Variants in NRF1 observed in about 807,000 individuals in gnomAD.
The protein encoded by NRF1 is nuclear respiratory factor 1, also known as alpha palindromic-binding protein.
NRF1 carries 5 observed loss-of-function variants against 58.5 expected under a neutral mutation model. That is an observed-to-expected ratio of 0.09 (90% CI 0.04 to 0.18). The LOEUF (loss-of-function observed/expected upper bound fraction) is 0.18, where lower values mean the gene tolerates loss of function less well. Among genes scored for constraint, NRF1 ranks in the 10% least tolerant of loss-of-function variants. NRF1 has a pLI of 1.00. For synonymous variants in NRF1, 224 were observed against 246.7 expected, an observed-to-expected ratio of 0.91 and a Z score of 0.86; for missense variants, 288 against 657.7, an observed-to-expected ratio of 0.44 and a Z score of 6.15.
chr7:129,673,452 G>A (rs535841239), intron 3 of NRF1, among the ~76,000 whole-genome samples: 9 of 152,248 alleles, frequency 5.9e-5, no homozygotes, highest in South Asian at 4.1e-4. Flanking sequence ...TTTCGGGGTC[G>A]GGCGCGGTGG....
chr7:129,717,392 T>G lies in NRF1; in HGVS notation c.1223+16T>G. 1.3e-6 allele frequency: 2 copies of G among 1,592,838 alleles called. No individual in the cohort carries two copies. Among genetic ancestry groups the G allele is most frequent in the Admixed American group, 1.8e-5 (1 of 56,286 alleles). On this transcript the variant is annotated intron_variant, in intron 9 of 10. Coordinates refer to ENST00000393232, the MANE Select transcript of NRF1 (RefSeq NM_005011.5). Reference sequence around the variant, plus strand: ...CGCTTAACAGGTGGTGGCAAGAGTGTGGGAATAAGTGAGGATCGCAAATCT... The same window carrying G: ...CGCTTAACAGGTGGTGGCAAGAGTGGGGGAATAAGTGAGGATCGCAAATCT...
In NRF1 at chr7:129,710,653, T is replaced by C. The variant is rs1006978335; in HGVS notation, c.963+82T>C. 8 of 776,696 alleles carry C rather than the reference T, an allele frequency of 1.0e-5. No individual in the cohort carries two copies. The South Asian group carries it at 1.1e-4, about 11-fold the overall frequency. 48.1% of individuals were successfully genotyped at this position (776,696 alleles called of 1,614,324 possible). A position where few individuals can be genotyped will look rare whatever the true frequency, so the allele number is the denominator to read the frequency against. The stretch of plus-strand genomic sequence containing the variant: ...TCACCTCAGACTAGGGAAAGTTTCC[T>C]TTGTGCGAACTCTTGTATGAACTTT... On this transcript the variant is annotated intron_variant, in intron 7 of 10. Transcript: ENST00000393232.
Position 129,619,447 on chromosome 7 carries a change from C to CACACACAT in NRF1, c.-7+7624_-7+7625insCACACATA, listed in dbSNP as rs1554401493. On this transcript the variant is annotated intron_variant, in intron 1 of 10. Coordinates refer to ENST00000393232, the MANE Select transcript of NRF1 (RefSeq NM_005011.5). Reference sequence around the variant, plus strand: ...ATATATATATATACACACACACACACATATATATACACGTGTGTGTGTGTG... The same window carrying CACACACAT: ...ATATATATATATACACACACACACACACACACATATATATATACACGTGTGTGTGTGTG... Among the ~76,000 whole-genome samples, 15 of 80,400 alleles carry CACACACAT rather than the reference C, an allele frequency of 1.9e-4. No homozygotes were observed. The South Asian group carries it at 4.7e-3, about 25-fold the overall frequency. The allele number at this position is 80,400 out of a possible 152,430, so 52.7% of individuals were successfully genotyped here.
chr7:129,706,230 T>C (rs1802947210), intron 5 of NRF1, among the ~76,000 whole-genome samples: 1 of 152,184 alleles, frequency 6.6e-6, no homozygotes, highest in Non-Finnish European at 1.5e-5. Flanking sequence ...CAGAAGGATC[T>C]AGTTTAGTTG....
At chr7:129,693,211 C>T (rs1467840235) in intron 5 of NRF1, among the ~76,000 whole-genome samples, 2 of 152,198 alleles carry the variant, frequency 1.3e-5, no homozygotes, top group Non-Finnish European at 2.9e-5. Flanking sequence ...GATCGCAAGT[C>T]CCCTGGGCAG....
intron 9 of NRF1, 136 bp from the exon 10 acceptor site, chr7:129,727,105 T>TA: frequency 3.8e-6 from 3 of 795,248 alleles, no homozygotes. Context: ...TTAGCACTGT[T>TA]ATCACATATT....
At position 129,744,051 on chromosome 7, in the gene NRF1, G is replaced by A. The variant is rs749970138; in HGVS notation, c.1349-10967G>A. The A allele has an allele frequency of 2.0e-4, 164 of 820,596 alleles. 1 individual carries two copies. The highest frequency in any genetic ancestry group is 2.8e-4 in the Non-Finnish European group (152 of 539,162). The allele number at this position is 820,596 out of a possible 1,614,324, so 50.8% of individuals were successfully genotyped here. ...GGCTTTCCTCACGGGTGGAAGGAGC[G>A]AGGCTGTGCACCCTGCACCAGATGT... On this transcript the variant is annotated intron_variant, in intron 10 of 10. Transcript: ENST00000393232.
In NRF1 at chr7:129,614,443, T is replaced by TTGTGTGTGTGTGTGTGTGTGTGTGTG. The variant is rs56403369; in HGVS notation, c.-7+2642_-7+2643insGTGTGTGTGTGTGTGTGTGTGTGTGT. Among the ~76,000 whole-genome samples the TTGTGTGTGTGTGTGTGTGTGTGTGTG allele has an allele frequency of 2.6e-3, 383 of 145,848 alleles. 2 individuals carry two copies. The highest frequency in any genetic ancestry group is 8.0e-3 in the African/African-American group (312 of 38,828). On this transcript the variant is annotated intron_variant, in intron 1 of 10. Coordinates refer to ENST00000393232, the MANE Select transcript of NRF1 (RefSeq NM_005011.5). ...ATAATTTTCTTATAAAAATATGTAT[T>TTGTGTGTGTGTGTGTGTGTGTGTGTG]TGTGTGTGTGTGTGTGTGTGTGTAC...
At chr7:129,628,143 A>C (rs184403023) in intron 1 of NRF1, among the ~76,000 whole-genome samples, 1 of 139,452 alleles carries the variant, frequency 7.2e-6, no homozygotes, top group Non-Finnish European at 1.5e-5. Context: ...TCCTGGGTTC[A>C]CTCCATTCTC....
At chr7:129,666,257 T>TTCCC (rs928306152) in intron 2 of NRF1, among the ~76,000 whole-genome samples, 1 of 152,090 alleles carries the variant, frequency 6.6e-6, no homozygotes, top group Admixed American at 6.5e-5. Flanking sequence ...TCCTGCTCCC[T>TTCCC]TCCCTCCCTC....
intron 1 of NRF1, among the ~76,000 whole-genome samples, chr7:129,613,155 T>G (rs956209089): frequency 3.9e-5 from 6 of 152,186 alleles, no homozygotes; most frequent in Admixed American, 3.9e-4. Context: ...AGAGCTTTTG[T>G]CCCGGGACAT....
intron 10 of NRF1, among the ~76,000 whole-genome samples, chr7:129,733,843 G>A (rs1401162335): frequency 1.3e-5 from 2 of 152,074 alleles, no homozygotes; most frequent in African/African-American, 4.8e-5. Flanking sequence ...GGGCAACATG[G>A]TGAAACCCTG....
intron 5 of NRF1, among the ~76,000 whole-genome samples, chr7:129,694,413 G>A (rs992601427): frequency 1.3e-5 from 2 of 152,008 alleles, no homozygotes; most frequent in Non-Finnish European, 2.9e-5. Context: ...TGCCCAGGCT[G>A]GAGTGCAATG....
chr7:129,655,766 C>G (rs1235163456), intron 1 of NRF1, among the ~76,000 whole-genome samples: 1 of 152,174 alleles, frequency 6.6e-6, no homozygotes, highest in Non-Finnish European at 1.5e-5. Flanking sequence ...AGGTGATACA[C>G]CTGCCTCGGC....
chr7:129,628,188 T>C (rs7799770), intron 1 of NRF1, among the ~76,000 whole-genome samples: 66,812 of 150,928 alleles, frequency 0.44, 16,729 homozygotes, highest in African/African-American at 0.68. Flanking sequence ...GGACTACAGG[T>C]GCCCGCCACC....
intron 10 of NRF1, among the ~76,000 whole-genome samples, chr7:129,742,643 T>C (rs1472285479): frequency 6.6e-6 from 1 of 152,186 alleles, no homozygotes; most frequent in Non-Finnish European, 1.5e-5. Flanking sequence ...GAAATCTATA[T>C]TTTAGGTGAA....
chr7:129,627,899 C>T (rs775223725), intron 1 of NRF1, among the ~76,000 whole-genome samples: 1 of 151,898 alleles, frequency 6.6e-6, no homozygotes, highest in Non-Finnish European at 1.5e-5. Context: ...ATTTCAAGAG[C>T]CTGGTAAGTA....
intron 2 of NRF1, 43 bp from the exon 3 acceptor site, chr7:129,671,386 T>G (rs781700485): frequency 7.9e-7 from 1 of 1,268,380 alleles, no homozygotes; most frequent in East Asian, 2.3e-5. Context: ...TTGAACAGTT[T>G]ACAGGCAGCT....
At chr7:129,657,066 C>A (rs1801672820) in intron 1 of NRF1, among the ~76,000 whole-genome samples, 1 of 152,126 alleles carries the variant, frequency 6.6e-6, no homozygotes, top group Non-Finnish European at 1.5e-5. Flanking sequence ...ATTTGAATGT[C>A]TTTTTATTAT....
Sources: gnomAD v4.1 joint callset for allele counts (sites outside exome capture counted in the v4.1 genomes callset) on GRCh38, gnomAD v4.1.1 for gene constraint, MANE v1.5 for transcripts, NCBI Gene and HGNC (gene_info 2026-07-23, HGNC 2026-07-21) for gene names.